CABIN1: variants seen among roughly 807,000 people sequenced by gnomAD.
CABIN1 encodes the protein calcineurin binding protein 1, also known as calcineurin-binding protein cabin-1.
A neutral mutation model predicts 227.7 loss-of-function variants in CABIN1; 133 were observed. The observed-to-expected ratio is 0.58, with a 90% CI of 0.51 to 0.67. The LOEUF is 0.67. Among genes scored for constraint, CABIN1 ranks in the 30% least tolerant of loss-of-function variants. CABIN1 has a pLI of 0.00. For missense variants in CABIN1, 2,408 were observed against 2,852.5 expected (o/e 0.84, Z 3.55); for synonymous variants, 1,086 against 1,155.1 (o/e 0.94, Z 1.21).
At chr22:24,138,111 T>G (rs572011968) in intron 29 of CABIN1, among the ~76,000 whole-genome samples, 14 of 152,332 alleles carry the variant, frequency 9.2e-5, no homozygotes, top group Admixed American at 2.0e-4. Context: ...CCTTAGAGCT[T>G]GGGTGGGGGG....
At chr22:24,140,039 T>A (rs1385588858) in intron 29 of CABIN1, among the ~76,000 whole-genome samples, 1 of 152,194 alleles carries the variant, frequency 6.6e-6, no homozygotes, top group Non-Finnish European at 1.5e-5. Context: ...GGCTCTCCCA[T>A]GCAGGGTGGG....
intron 1 of CABIN1, among the ~76,000 whole-genome samples, chr22:24,034,613 T>C (rs1311774801): frequency 2.6e-5 from 4 of 152,208 alleles, no homozygotes; most frequent in Non-Finnish European, 5.9e-5. Flanking sequence ...TTCTTTTGGG[T>C]AGATACACAT....
chr22:24,032,276 G>A (rs889922334), intron 1 of CABIN1, among the ~76,000 whole-genome samples: 7 of 152,182 alleles, frequency 4.6e-5, no homozygotes, highest in African/African-American at 1.2e-4. Context: ...TTTACTTAGT[G>A]TAGTTTTTAA....
chr22:24,146,359 T>C (rs1457623313), intron 29 of CABIN1, among the ~76,000 whole-genome samples: 2 of 152,254 alleles, frequency 1.3e-5, no homozygotes, highest in African/African-American at 4.8e-5. Context: ...CGAGCTCTCC[T>C]TCCTTCCCAC....
At chr22:24,075,919 A>G (rs552971430) in intron 18 of CABIN1, among the ~76,000 whole-genome samples, 1 of 152,168 alleles carries the variant, frequency 6.6e-6, no homozygotes, top group Non-Finnish European at 1.5e-5. Flanking sequence ...TTTGATGGAT[A>G]AAGTGTGCTC....
intron 26 of CABIN1, among the ~76,000 whole-genome samples, chr22:24,110,175 A>AT (rs963979812): frequency 3.3e-5 from 5 of 152,100 alleles, no homozygotes; most frequent in Non-Finnish European, 5.9e-5. Context: ...CTCAAAAAAA[A>AT]TTTTTTTTAA....
chr22:24,070,076 A>AG (rs1395407559), intron 16 of CABIN1, among the ~76,000 whole-genome samples: 89 of 152,316 alleles, frequency 5.8e-4, no homozygotes, highest in African/African-American at 2.1e-3. Context: ...AAAAAAAAAA[A>AG]AAAAGGAGCT....
intron 1 of CABIN1, among the ~76,000 whole-genome samples, chr22:24,021,080 G>A (rs1299028705): frequency 6.6e-6 from 1 of 151,448 alleles, no homozygotes; most frequent in Non-Finnish European, 1.5e-5. Context: ...GCTCACTGCA[G>A]CCTTGAACTC....
In CABIN1 at chr22:24,062,033, G is replaced by A; in HGVS notation, c.1696+8G>A. On this transcript the variant is annotated splice_region_variant and intron_variant, in intron 13 of 36. Transcript: ENST00000263119. ...AAGGCAGAAGCTCTGCAGGTAGGAG[G>A]CATTATGTGTTCTGTGGCCAGGCTA... is the stretch of plus-strand genomic sequence containing the variant. The A allele has an allele frequency of 3.7e-6, 6 of 1,611,200 alleles. No individual in the cohort carries two copies. Among genetic ancestry groups the A allele is most frequent in the Non-Finnish European group, 5.1e-6 (6 of 1,177,810 alleles).
At chr22:24,077,731 A>G (rs566471773) in intron 19 of CABIN1, among the ~76,000 whole-genome samples, 1 of 152,136 alleles carries the variant, frequency 6.6e-6, no homozygotes, top group South Asian at 2.1e-4. Context: ...CTCTGCTTCC[A>G]TAAGGTCACC....
intron 25 of CABIN1, among the ~76,000 whole-genome samples, chr22:24,097,723 T>C (rs371516895): frequency 6.6e-5 from 10 of 152,238 alleles, no homozygotes; most frequent in African/African-American, 2.4e-4. Context: ...GCAAGGGTGC[T>C]TCTGAAGAAA....
At chr22:24,136,725 TCACACACACACACGCACACACACA>T (rs1481068292) in intron 29 of CABIN1, among the ~76,000 whole-genome samples, 1 of 143,416 alleles carries the variant, frequency 7.0e-6, no homozygotes, top group African/African-American at 2.7e-5. Flanking sequence ...AAACAATACA[TCACACACACACACGCACACACACA>T]CACACACACA....
In CABIN1 at chr22:24,083,572, A is replaced by C. The variant is rs779857475; in HGVS notation, c.2910+183A>C. On this transcript the variant is annotated intron_variant, in intron 20 of 36. Coordinates refer to ENST00000263119, the MANE Select transcript of CABIN1 (RefSeq NM_012295.4). ...GTTTTTCTTGCAAAAACTTATTTTC[A>C]TAAATGTTGACTGACATTCAACTAA... Among the ~76,000 whole-genome samples, 5 of 152,366 alleles carry C rather than the reference A, an allele frequency of 3.3e-5. No homozygotes were observed. In the East Asian group the frequency reaches 9.6e-4, roughly 29 times the overall value.
chr22:24,110,397 A>T (rs570726286), intron 26 of CABIN1, among the ~76,000 whole-genome samples: 1 of 152,310 alleles, frequency 6.6e-6, no homozygotes, highest in Non-Finnish European at 1.5e-5. Flanking sequence ...CCCACAATAC[A>T]TTGCTACTAT....
rs995557073 is a variant in CABIN1 at position 24,056,281 on chromosome 22, G to T, written c.1183G>T (p.Ala395Ser). Residue 395 changes from alanine to serine, a missense_variant, in exon 10 of 37, where the codon GCC becomes TCC. By Grantham distance (99) the Ala-to-Ser change is moderately conservative. Transcript: ENST00000263119. ...TGGAGAAACAGCAAAGCGGCGGTCT[G>T]CCCGTGTCCGAAACACCAAGTGCAA... Reference protein sequence around the residue: ...ESGETAKRRSARVRNTKCKKE... With the variant: ...ESGETAKRRSSRVRNTKCKKE... The T allele has an allele frequency of 3.7e-6, 6 of 1,614,020 alleles. No individual in the cohort carries two copies. The highest frequency in any genetic ancestry group is 5.1e-6 in the Non-Finnish European group (6 of 1,179,922).
chr22:24,015,270 C>CAA lies in CABIN1; in HGVS notation c.-75+3926_-75+3927dup, dbSNP rs1199906542. Among the ~76,000 whole-genome samples the CAA allele has an allele frequency of 1.2e-3, 61 of 50,690 alleles. 1 individual carries two copies. Among genetic ancestry groups the CAA allele is most frequent in the South Asian group, 3.1e-3 (3 of 954 alleles). 33.3% of individuals were successfully genotyped at this position (50,690 alleles called of 152,430 possible). ...GACCGGCCGAGTGAGAATCCATCTC[C>CAA]AAAAAAAAAAAAAAAAAAAAAAAAG... On this transcript the variant is annotated intron_variant, in intron 1 of 36. Coordinates refer to ENST00000263119, the MANE Select transcript of CABIN1 (RefSeq NM_012295.4).
chr22:24,110,380 C>T (rs1274953450), intron 26 of CABIN1, among the ~76,000 whole-genome samples: 3 of 152,208 alleles, frequency 2.0e-5, no homozygotes, highest in African/African-American at 7.2e-5. Flanking sequence ...TTTACATATG[C>T]TCTAAGCCCA....
At chr22:24,110,286 A>C (rs896726439) in intron 26 of CABIN1, among the ~76,000 whole-genome samples, 1 of 152,224 alleles carries the variant, frequency 6.6e-6, no homozygotes, top group African/African-American at 2.4e-5. Flanking sequence ...AATTCATTGC[A>C]GTCTGCCTTC....
intron 28 of CABIN1, among the ~76,000 whole-genome samples, chr22:24,127,877 A>G (rs545140199): frequency 6.6e-6 from 1 of 152,240 alleles, no homozygotes. Flanking sequence ...AGTATATATG[A>G]ATAACGTAGA....
Sources: gnomAD v4.1 joint callset for allele counts (sites outside exome capture counted in the v4.1 genomes callset) on GRCh38, gnomAD v4.1.1 for gene constraint, MANE v1.5 for transcripts, NCBI Gene and HGNC (gene_info 2026-07-23, HGNC 2026-07-21) for gene names.